The following STXBP5 variants were observed in gnomAD, a reference collection of about 807,000 sequenced individuals.
STXBP5 encodes the protein syntaxin-binding protein 5.
In STXBP5, 50 loss-of-function variants were observed where a neutral mutation model predicts 152.4. That is an observed-to-expected ratio of 0.33 (90% CI 0.26 to 0.42). The LOEUF (loss-of-function observed/expected upper bound fraction) is 0.42, where lower values mean the gene tolerates loss of function less well. Among genes scored for constraint, STXBP5 ranks in the 10% least tolerant of loss-of-function variants. STXBP5 has a pLI of 1.00. For missense variants in STXBP5, 1,167 were observed against 1,388.6 expected, an observed-to-expected ratio of 0.84 and a Z score of 2.54; for synonymous variants, 492 against 494.7, an observed-to-expected ratio of 0.99 and a Z score of 0.07.
rs769071463 is a variant in STXBP5 at position 147,204,499 on chromosome 6, C to A, written c.-34C>A. 2.5e-6 allele frequency: 4 copies of A among 1,606,898 alleles called. No homozygotes were observed. In the Admixed American group the frequency reaches 6.7e-5, roughly 27 times the overall value. ...CCCGCCCGGGGACCCCCTGTGCCTCCCCTCCCGGGCTGCGGGGGAGCCCCT... is the reference window on the plus strand; with the variant it reads ...CCCGCCCGGGGACCCCCTGTGCCTCACCTCCCGGGCTGCGGGGGAGCCCCT... On this transcript the variant is annotated 5_prime_UTR_variant, in exon 1 of 28. Transcript: ENST00000321680. The surrounding 1 kb of genome is among the most constrained non-coding windows in gnomAD (Gnocchi z 4.3).
Position 147,363,595 on chromosome 6 carries a change from A to C in STXBP5, c.2806A>C (p.Lys936Gln). The C allele has an allele frequency of 6.2e-7, 1 of 1,614,216 alleles. No individual in the cohort carries two copies. Among genetic ancestry groups the C allele is most frequent in the East Asian group, 2.2e-5 (1 of 44,888 alleles). ...ACTGCCAACCCAGAACTGTGCTTAT[A>C]AGCAAAATATTACAGAGACCTCGTT... Reference protein sequence around the residue: ...ISLPTQNCAYKQNITETSFVL... With the variant: ...ISLPTQNCAYQQNITETSFVL... Residue 936 changes from lysine to glutamine, a missense_variant, in exon 24 of 28, where the codon AAG becomes CAG. Physicochemically the swap from Lys to Gln is moderately conservative, Grantham distance 53 (BLOSUM62 1). Around this residue, in one of 3 missense-constraint regions of STXBP5, gnomAD observed 833 missense variants for 986.3 expected, o/e 0.84. Transcript: ENST00000321680.
At chr6:147,353,217 C>T (rs1228254853) in intron 21 of STXBP5, 106 bp from the exon 22 acceptor site, 22 of 628,860 alleles carry the variant, frequency 3.5e-5, no homozygotes, top group Non-Finnish European at 5.0e-5. Context: ...TTTATCTCGG[C>T]ATCTAGATTT....
chr6:147,311,898 C>T (rs111700772), intron 11 of STXBP5, among the ~76,000 whole-genome samples: 1 of 152,106 alleles, frequency 6.6e-6, no homozygotes, highest in South Asian at 2.1e-4. Flanking sequence ...AATGTTTATA[C>T]GTGCTTTTGC....
intron 22 of STXBP5, among the ~76,000 whole-genome samples, chr6:147,356,775 A>C (rs77105446): frequency 0.011 from 1,726 of 152,242 alleles, 39 homozygotes; most frequent in African/African-American, 0.04. Flanking sequence ...AGATTTGGCT[A>C]TACCTTTTTT....
intron 8 of STXBP5, among the ~76,000 whole-genome samples, chr6:147,283,791 A>T (rs994543851): frequency 1.8e-4 from 27 of 152,216 alleles, no homozygotes; most frequent in African/African-American, 6.5e-4. Context: ...AAAAGTAAAA[A>T]AACAGATGTT....
intron 19 of STXBP5, 98 bp downstream of exon 19, chr6:147,334,320 T>G (rs1783725269): frequency 2.7e-6 from 3 of 1,095,922 alleles, no homozygotes; most frequent in Non-Finnish European, 3.8e-6. Context: ...TTAAAATACA[T>G]CTACGAAAAC....
intron 21 of STXBP5, among the ~76,000 whole-genome samples, chr6:147,351,376 A>G (rs1784582538): frequency 6.6e-6 from 1 of 152,238 alleles, no homozygotes; most frequent in African/African-American, 2.4e-5. Flanking sequence ...AGTTACCTTT[A>G]GACTGTGCCA....
At chr6:147,296,758 T>C (rs1781546444) in intron 9 of STXBP5, among the ~76,000 whole-genome samples, 1 of 152,072 alleles carries the variant, frequency 6.6e-6, no homozygotes, top group Admixed American at 6.6e-5. Flanking sequence ...AATAGGAAAT[T>C]CAACAAAGTT....
At chr6:147,364,482 CA>C (rs1562270772) in intron 25 of STXBP5, among the ~76,000 whole-genome samples, 1 of 152,192 alleles carries the variant, frequency 6.6e-6, no homozygotes, top group African/African-American at 2.4e-5. Flanking sequence ...TACACACACA[CA>C]GTCCTTTTTA....
chr6:147,295,433 T>A (rs1422285797), intron 9 of STXBP5, among the ~76,000 whole-genome samples: 1 of 152,112 alleles, frequency 6.6e-6, no homozygotes, highest in Non-Finnish European at 1.5e-5. Flanking sequence ...AGGTGCCTGG[T>A]GTTAATCACC....
At chr6:147,285,701 A>C (rs921573795) in intron 8 of STXBP5, among the ~76,000 whole-genome samples, 2 of 152,172 alleles carry the variant, frequency 1.3e-5, no homozygotes, top group African/African-American at 4.8e-5. Flanking sequence ...CTATTGAGCA[A>C]GAAGAAAGTT....
At chr6:147,274,591 A>G (rs749888424) in intron 7 of STXBP5, among the ~76,000 whole-genome samples, 27 of 152,292 alleles carry the variant, frequency 1.8e-4, no homozygotes, top group Non-Finnish European at 2.6e-4. Flanking sequence ...TGTATTATTT[A>G]TATGTGTAAG....
chr6:147,329,645 A>C (rs1411502865), intron 18 of STXBP5, among the ~76,000 whole-genome samples: 1 of 930 alleles, frequency 1.1e-3, no homozygotes, highest in Non-Finnish European at 2.3e-3. Context: ...TTTTTTTTTG[A>C]GACGGAGTCT....
At chr6:147,351,760 T>A in intron 21 of STXBP5, 1 of 661,876 alleles carries the variant, frequency 1.5e-6, no homozygotes, top group East Asian at 1.4e-4. Flanking sequence ...AAATTTGATG[T>A]CCCTTCCAAC....
chr6:147,207,811 C>T (rs1242863834), intron 2 of STXBP5, among the ~76,000 whole-genome samples: 2 of 152,008 alleles, frequency 1.3e-5, no homozygotes, highest in Non-Finnish European at 2.9e-5. Context: ...AGTGTGGTCT[C>T]GACATTCTTT....
chr6:147,319,744 C>G (rs1200090608), intron 16 of STXBP5, among the ~76,000 whole-genome samples: 1 of 150,172 alleles, frequency 6.7e-6, no homozygotes, highest in Non-Finnish European at 1.5e-5. Context: ...ATAGGAGATT[C>G]AGCCAGAGTC....
chr6:147,206,177 G>T, intron 2 of STXBP5, 109 bp downstream of exon 2: 1 of 845,880 alleles, frequency 1.2e-6, no homozygotes, highest in Non-Finnish European at 1.8e-6. Flanking sequence ...GGTGTGATTA[G>T]ATATATACTA....
rs757465735 is a variant in STXBP5, at chr6:147,382,953, G to T, written c.3369G>T (p.Ala1123=). Residue 1123 remains alanine (A), a synonymous_variant, in exon 27 of 28, where the codon GCG becomes GCT. Coordinates refer to ENST00000321680, the MANE Select transcript of STXBP5 (RefSeq NM_001127715.4). The stretch of plus-strand genomic sequence containing the variant: ...TTGGCGATCTGGAAGAAAGAACTGC[G>T]GCCATGTTATCAAGTGCAGAGTCAT... The part of the protein sequence containing the change: ...QKLGDLEERT[A]AMLSSAESFS... 3 of 1,613,340 alleles carry T rather than the reference G, an allele frequency of 1.9e-6. No homozygotes were observed. In the East Asian group the frequency reaches 6.7e-5, roughly 36 times the overall value.
At chr6:147,257,042 C>T (rs1779403098) in intron 4 of STXBP5, among the ~76,000 whole-genome samples, 1 of 151,976 alleles carries the variant, frequency 6.6e-6, no homozygotes. Flanking sequence ...GTATGTGTTA[C>T]TCCCTAGTAC....
Sources: gnomAD v4.1 joint callset for allele counts (sites outside exome capture counted in the v4.1 genomes callset) on GRCh38, gnomAD v4.1.1 for gene constraint, gnomAD v4.1.1 regional missense constraint, Gnocchi (gnomAD v3.1) non-coding constraint, MANE v1.5 for transcripts, NCBI Gene and HGNC (gene_info 2026-07-23, HGNC 2026-07-21) for gene names.